Variants in FCAR observed in about 807,000 individuals in gnomAD.
FCAR encodes immunoglobulin alpha Fc receptor.
A neutral mutation model predicts 27.1 loss-of-function variants in FCAR; 21 were observed. That is an observed-to-expected ratio of 0.77 (90% CI 0.55 to 1.11). FCAR has a LOEUF of 1.11. Among genes scored for constraint, FCAR ranks in the 50% most tolerant of loss-of-function variants. The pLI is 0.00. For synonymous variants in FCAR, 134 were observed against 135.8 expected, an observed-to-expected ratio of 0.99 and a Z score of 0.09; for missense variants, 404 against 358.4, an observed-to-expected ratio of 1.13 and a Z score of -1.03.
chr19:54,888,488 T>C, intron 4 of FCAR, 194 bp downstream of exon 4: 1 of 1,419,264 alleles, frequency 7.0e-7, no homozygotes, highest in Non-Finnish European at 9.2e-7. Context: ...CCAGACAGGG[T>C]TCATTGAAAA....
rs145833290 is a variant in FCAR at position 54,885,477 on chromosome 19, G to A, written c.313G>A (p.Gly105Arg). The change falls in exon 3 of 5, where the codon GGG (glycine) becomes AGG (arginine). Residue 105 changes from glycine to arginine, a missense_variant. Gly to Arg is a moderately radical substitution (Grantham distance 125). Coordinates refer to ENST00000355524, the MANE Select transcript of FCAR (RefSeq NM_002000.4). ...AGRYQCQYRI[G>R]HYRFRYSDTL... ...GCGCTATCAGTGCCAATATAGGATA[G>A]GGCACTACAGGTTCCGGTACAGTGA... The A allele has an allele frequency of 1.1e-5, 17 of 1,612,634 alleles. No homozygotes were observed. Among genetic ancestry groups the A allele is most frequent in the Admixed American group, 1.7e-5 (1 of 59,994 alleles).
chr19:54,881,290 G>A (rs587677609), intron 2 of FCAR, among the ~76,000 whole-genome samples: 1 of 152,252 alleles, frequency 6.6e-6, no homozygotes, highest in Admixed American at 6.5e-5. Flanking sequence ...TCTCCTTAGG[G>A]CAGTTTGCCG....
Position 54,888,025 on chromosome 19 carries a change from T to A in FCAR, c.380T>A (p.Phe127Tyr). Residue 127 changes from phenylalanine (F) to tyrosine (Y), a missense_variant, in exon 4 of 5, where the codon TTC becomes TAC. Transcript: ENST00000355524. The part of the protein sequence containing the change: ...LVVTGLYGKP[F>Y]LSADRGLVLM... ...CTCTTAGGCTTGTATGGCAAACCCT[T>A]CCTCTCTGCAGATCGGGGTCTGGTG... 6.2e-7 allele frequency: 1 copy of A among 1,613,408 alleles called. No individual in the cohort carries two copies. Among genetic ancestry groups the A allele is most frequent in the Non-Finnish European group, 8.5e-7 (1 of 1,179,430 alleles).
Position 54,889,861 on chromosome 19 carries a change from T to A in FCAR, c.862T>A (p.Ter288LysextTer39). ...TFARTPSVCK[*>K] ...TGCACGAACACCAAGTGTCTGCAAG[T>A]AAACACCTGGAGGTGAAGGCAGAGA... is the stretch of plus-strand genomic sequence containing the variant. Residue 288 changes from the stop codon to lysine, a stop_lost, in exon 5 of 5, where the codon TAA (stop) becomes AAA (lysine). Coordinates refer to ENST00000355524, the MANE Select transcript of FCAR (RefSeq NM_002000.4). The A allele has an allele frequency of 6.3e-7, 1 of 1,598,452 alleles. No individual in the cohort carries two copies. The highest frequency in any genetic ancestry group is 8.5e-7 in the Non-Finnish European group (1 of 1,177,042).
In FCAR at chr19:54,890,120, A is replaced by AT. The variant is rs776595662; in HGVS notation, c.*262dup. 131 of 512,902 alleles carry AT rather than the reference A, an allele frequency of 2.6e-4. No homozygotes were observed. Among genetic ancestry groups the AT allele is most frequent in the Non-Finnish European group, 3.9e-4 (111 of 286,958 alleles). 31.8% of individuals were successfully genotyped at this position (512,902 alleles called of 1,614,324 possible). ...AGGCACATACCACTGCACCCAGCTA[A>AT]TTTTTGTATTTTTAGTAGAGATGGG... On this transcript the variant is annotated 3_prime_UTR_variant, in exon 5 of 5. Transcript: ENST00000355524.
rs1569534142 is a variant in FCAR at position 54,890,947 on chromosome 19, C to T, written c.*1084C>T. ...GATAAGAGTGAAAGTCATAATCCTA[C>T]AGGAGGATTACCCTATTTATTTCAC... On this transcript the variant is annotated 3_prime_UTR_variant, in exon 5 of 5. Coordinates refer to ENST00000355524, the MANE Select transcript of FCAR (RefSeq NM_002000.4). The T allele has an allele frequency of 6.6e-6, 1 of 152,156 alleles. No homozygotes were observed. Among genetic ancestry groups the T allele is most frequent in the African/African-American group, 2.4e-5 (1 of 41,444 alleles). The allele number at this position is 152,156 out of a possible 1,614,324, so 9.4% of individuals were successfully genotyped here. A position where few individuals can be genotyped will look rare whatever the true frequency, so the allele number is the denominator to read the frequency against.
chr19:54,885,829 C>T (rs2066687393), intron 3 of FCAR, among the ~76,000 whole-genome samples: 2 of 152,186 alleles, frequency 1.3e-5, no homozygotes, highest in South Asian at 4.1e-4. Context: ...TTTCACATTG[C>T]GGCTGGGAGT....
At position 54,888,257 on chromosome 19, in the gene FCAR, G is replaced by A; in HGVS notation, c.612G>A (p.Trp204Ter). ...YGWYNRSPYL[W>*]SFPSNALELV... is the part of the protein sequence containing the mutation. ...GGTACAACAGGAGCCCCTACCTGTGGTCCTTCCCCAGTAATGCCTTGGAGC... is the reference window on the plus strand; with the variant it reads ...GGTACAACAGGAGCCCCTACCTGTGATCCTTCCCCAGTAATGCCTTGGAGC... The change falls in exon 4 of 5, where the codon TGG (tryptophan) becomes TGA (stop). Residue 204 changes from tryptophan to a stop codon, truncating the protein, a stop_gained. Coordinates refer to ENST00000355524, the MANE Select transcript of FCAR (RefSeq NM_002000.4). LOFTEE classifies it high-confidence loss of function. The A allele has an allele frequency of 1.2e-6, 2 of 1,614,166 alleles. No homozygotes were observed. The highest frequency in any genetic ancestry group is 1.6e-4 in the Middle Eastern group (1 of 6,062).
intron 3 of FCAR, among the ~76,000 whole-genome samples, chr19:54,885,941 C>T (rs149064032): frequency 6.6e-6 from 1 of 151,502 alleles, no homozygotes; most frequent in African/African-American, 2.4e-5. Context: ...GTGAATTCCC[C>T]GTCTCTACTG....
rs754594457 is a variant in FCAR at position 54,889,673 on chromosome 19, C to G, written c.674C>G (p.Thr225Arg). Reference protein sequence around the residue: ...VTDSIHQDYTTQNLIRMAVAG... With the variant: ...VTDSIHQDYTRQNLIRMAVAG... Reference sequence around the variant, plus strand: ...GACTCCATCCACCAAGATTACACGACGCAGAACTTGATCCGCATGGCCGTG... The same window carrying G: ...GACTCCATCCACCAAGATTACACGAGGCAGAACTTGATCCGCATGGCCGTG... Residue 225 changes from threonine (T) to arginine (R), a missense_variant, in exon 5 of 5, where the codon ACG (threonine) becomes AGG (arginine). Physicochemically the swap from Thr to Arg is moderately conservative, Grantham distance 71 (BLOSUM62 -1). Coordinates refer to ENST00000355524, the MANE Select transcript of FCAR (RefSeq NM_002000.4). 6 of 1,613,952 alleles carry G rather than the reference C, an allele frequency of 3.7e-6. No individual in the cohort carries two copies. The South Asian group carries it at 6.6e-5, about 18-fold the overall frequency.
At chr19:54,879,144 C>T (rs182153360) in intron 2 of FCAR, among the ~76,000 whole-genome samples, 2 of 152,004 alleles carry the variant, frequency 1.3e-5, no homozygotes, top group Admixed American at 6.6e-5. Flanking sequence ...CCCAAAGTGC[C>T]AGGGTTACAG....
At chr19:54,880,117 G>A (rs1204066841) in intron 2 of FCAR, among the ~76,000 whole-genome samples, 2 of 152,110 alleles carry the variant, frequency 1.3e-5, no homozygotes, top group Admixed American at 1.3e-4. Context: ...GTGACGTTGG[G>A]GAAGTTTTCA....
At chr19:54,885,150 A>G in intron 2 of FCAR, 85 bp from the exon 3 acceptor site, 1 of 1,198,698 alleles carries the variant, frequency 8.3e-7, no homozygotes. Flanking sequence ...TCACACCCTA[A>G]TGTATTTTTA....
At chr19:54,874,982 A>G (rs1447315233) in intron 1 of FCAR, among the ~76,000 whole-genome samples, 1 of 152,158 alleles carries the variant, frequency 6.6e-6, no homozygotes, top group Non-Finnish European at 1.5e-5. Context: ...CATCCTGGCC[A>G]ACATGGTGAA....
rs1334598948 is a variant in FCAR, at chr19:54,890,880, A to T, written c.*1017A>T. ...TGGTCTTGAACTCCTGGTCTCAAGC[A>T]ATCCTCCTACCTCAGCCTCCTGCTG... is the stretch of plus-strand genomic sequence containing the variant. On this transcript the variant is annotated 3_prime_UTR_variant, in exon 5 of 5. Transcript: ENST00000355524. 1 of 152,090 alleles carries T rather than the reference A, an allele frequency of 6.6e-6. No homozygotes were observed. The highest frequency in any genetic ancestry group is 2.4e-5 in the African/African-American group (1 of 41,412). The allele number at this position is 152,090 out of a possible 1,614,324, so 9.4% of individuals were successfully genotyped here.
intron 4 of FCAR, 42 bp downstream of exon 4, chr19:54,888,336 C>G (rs1254261823): frequency 1.2e-6 from 2 of 1,605,502 alleles, no homozygotes; most frequent in African/African-American, 2.7e-5. Context: ...GGTTGGCTGT[C>G]CAGGGCCTTG....
chr19:54,885,898 G>C lies in FCAR; in HGVS notation c.361+373G>C, dbSNP rs146932672. Among the ~76,000 whole-genome samples the C allele has an allele frequency of 4.0e-3, 611 of 152,234 alleles. 5 individuals are homozygous for C. Among genetic ancestry groups the C allele is most frequent in the African/African-American group, 0.014 (598 of 41,550 alleles). ...AAGCCGAGGCGGGTGGATCACCCAA[G>C]GTCAGGAGTTCGAGACCAGCCTGGC... On this transcript the variant is annotated intron_variant, in intron 3 of 4. Coordinates refer to ENST00000355524, the MANE Select transcript of FCAR (RefSeq NM_002000.4).
chr19:54,883,355 T>G (rs1210519785), intron 2 of FCAR, among the ~76,000 whole-genome samples: 1 of 152,106 alleles, frequency 6.6e-6, no homozygotes, highest in East Asian at 1.9e-4. Context: ...GGTCCATTCT[T>G]GGGCCTTGGA....
intron 1 of FCAR, among the ~76,000 whole-genome samples, chr19:54,874,899 A>G (rs2066003570): frequency 1.3e-5 from 2 of 152,208 alleles, no homozygotes; most frequent in African/African-American, 2.4e-5. Flanking sequence ...GGCCGGGCGC[A>G]GTGGCTCACA....
Sources: allele counts gnomAD v4.1 joint callset (sites outside exome capture counted in the v4.1 genomes callset), GRCh38; gene constraint gnomAD v4.1.1; transcripts MANE v1.5; gene names NCBI Gene and HGNC (gene_info 2026-07-23, HGNC 2026-07-21).